The following SH3D19 variants were observed in gnomAD, a reference collection of about 807,000 sequenced individuals.
SH3D19 encodes SH3 domain containing 19.
SH3D19 carries 58 observed loss-of-function variants against 112.1 expected under a neutral mutation model. That is an observed-to-expected ratio of 0.52 (90% CI 0.42 to 0.64). SH3D19 has a LOEUF of 0.64. SH3D19 is among the 30% of genes least tolerant of loss of function. The pLI is 0.00. For synonymous variants in SH3D19, 391 were observed against 448.5 expected (o/e 0.87, Z 1.62); for missense variants, 1,090 against 1,263.4 (o/e 0.86, Z 2.08).
At chr4:151,270,551 T>C (rs180917217) in intron 1 of SH3D19, among the ~76,000 whole-genome samples, 1 of 152,346 alleles carries the variant, frequency 6.6e-6, no homozygotes, top group Non-Finnish European at 1.5e-5. Context: ...TTTACAGCAA[T>C]AGAAGAATGG....
At chr4:151,305,242 G>A (rs908627257) in intron 1 of SH3D19, among the ~76,000 whole-genome samples, 1 of 152,076 alleles carries the variant, frequency 6.6e-6, no homozygotes, top group Non-Finnish European at 1.5e-5. Flanking sequence ...AAGAAATATG[G>A]CCCATACACA....
intron 13 of SH3D19, 30 bp downstream of exon 13, chr4:151,139,745 G>A (rs776898306): frequency 1.9e-6 from 3 of 1,599,770 alleles, no homozygotes; most frequent in Non-Finnish European, 2.6e-6. Flanking sequence ...GGATCCTGTG[G>A]TTCTCCCACT....
At chr4:151,310,580 C>CTT (rs780496185) in intron 1 of SH3D19, among the ~76,000 whole-genome samples, 3 of 142,164 alleles carry the variant, frequency 2.1e-5, no homozygotes, top group Non-Finnish European at 3.1e-5. Context: ...CTCTCTCTCT[C>CTT]TTTTTTTTTT....
At chr4:151,185,387 C>A (rs897442898) in intron 3 of SH3D19, among the ~76,000 whole-genome samples, 3 of 152,154 alleles carry the variant, frequency 2.0e-5, no homozygotes, top group African/African-American at 7.2e-5. Flanking sequence ...ATCCTGTGTA[C>A]TTTCTCCCTA....
intron 3 of SH3D19, among the ~76,000 whole-genome samples, chr4:151,179,732 G>A (rs1423888312): frequency 1.3e-5 from 2 of 152,142 alleles, no homozygotes; most frequent in African/African-American, 2.4e-5. Flanking sequence ...ATGACATGAA[G>A]TAACAATGGG....
intron 1 of SH3D19, among the ~76,000 whole-genome samples, chr4:151,321,885 C>T (rs1442183485): frequency 6.6e-6 from 1 of 152,196 alleles, no homozygotes. Flanking sequence ...CCCACATCCT[C>T]TCTTCCTTGT....
intron 1 of SH3D19, chr4:151,228,149 A>T: frequency 3.3e-6 from 2 of 609,132 alleles, no homozygotes; most frequent in Non-Finnish European, 4.1e-6. Context: ...AGTAATTAAA[A>T]TTCAACAAAA....
intron 1 of SH3D19, among the ~76,000 whole-genome samples, chr4:151,314,874 C>T (rs561702152): frequency 6.6e-6 from 1 of 152,254 alleles, no homozygotes; most frequent in Admixed American, 6.5e-5. Flanking sequence ...AGCTACACAG[C>T]CTTGTTCCTG....
intron 1 of SH3D19, among the ~76,000 whole-genome samples, chr4:151,300,075 C>A (rs1189603549): frequency 6.6e-6 from 1 of 152,012 alleles, no homozygotes; most frequent in Non-Finnish European, 1.5e-5. Flanking sequence ...GTGGTGCATG[C>A]CTGTAATCCC....
At chr4:151,262,162 G>C (rs1428961107) in intron 1 of SH3D19, among the ~76,000 whole-genome samples, 2 of 152,170 alleles carry the variant, frequency 1.3e-5, no homozygotes, top group Non-Finnish European at 2.9e-5. Flanking sequence ...TCAGCCTTTA[G>C]GTTGTTTCCC....
Position 151,139,815 on chromosome 4 carries a change from ACT to A in SH3D19, c.2254_2255del (p.Ser752TrpfsTer10). 6.2e-7 allele frequency: 1 copy of A among 1,614,184 alleles called. No homozygotes were observed. Among genetic ancestry groups the A allele is most frequent in the Non-Finnish European group, 8.5e-7 (1 of 1,180,032 alleles). On this transcript the variant is annotated frameshift_variant, in exon 13 of 20. Transcript: ENST00000604030. LOFTEE classifies it high-confidence loss of function. ...GAAGAACGACAGCATGAGGAGCACC[ACT>A]GTCAACAGGCTTCTGAGCGTGGCTT... ...DPSHAQKPVDSGAPHAVVLHD... is the reference protein window; with the variant it reads ...DPSHAQKPVDXGAPHAVVLHD...
intron 1 of SH3D19, among the ~76,000 whole-genome samples, chr4:151,320,091 G>A (rs972511307): frequency 2.0e-5 from 3 of 152,100 alleles, no homozygotes; most frequent in East Asian, 3.9e-4. Context: ...CTGGTACACC[G>A]TGAACACAGT....
chr4:151,160,334 GC>G (rs1395172549), intron 8 of SH3D19, among the ~76,000 whole-genome samples: 1 of 152,072 alleles, frequency 6.6e-6, no homozygotes, highest in Middle Eastern at 3.2e-3. Context: ...TGATCCGCCC[GC>G]CTCAGCCTCC....
chr4:151,238,097 C>CAGGGG (rs1770269228), intron 1 of SH3D19, among the ~76,000 whole-genome samples: 1 of 152,158 alleles, frequency 6.6e-6, no homozygotes, highest in Non-Finnish European at 1.5e-5. Flanking sequence ...CTGTGCCAAC[C>CAGGGG]AGGGATCACC....
chr4:151,214,999 C>T lies in SH3D19; in HGVS notation c.152+11048G>A, dbSNP rs562443336. Among the ~76,000 whole-genome samples the T allele has an allele frequency of 1.7e-3, 247 of 146,450 alleles. 2 individuals carry two copies. The highest frequency in any genetic ancestry group is 6.1e-3 in the African/African-American group (242 of 39,794). ...GCTCCTCACCTCCCAGACGGGGTCG[C>T]GACCGGGCAGAGGCGCTCCTCACAT... is the stretch of plus-strand genomic sequence containing the variant. On this transcript the variant is annotated intron_variant, in intron 2 of 19. Coordinates refer to ENST00000604030, the MANE Select transcript of SH3D19 (RefSeq NM_001378122.1).
chr4:151,161,847 G>A (rs941510151), intron 8 of SH3D19, among the ~76,000 whole-genome samples: 8 of 147,760 alleles, frequency 5.4e-5, no homozygotes, highest in Non-Finnish European at 1.0e-4. Context: ...TCACTGCAAC[G>A]TCTGCCTCCT....
intron 12 of SH3D19, chr4:151,140,072 C>T (rs1254337239): frequency 4.3e-6 from 2 of 462,976 alleles, no homozygotes; most frequent in Admixed American, 3.8e-5. Flanking sequence ...TAAAATATCC[C>T]CCAGTATGTT....
chr4:151,304,768 T>G (rs1728777599), intron 1 of SH3D19, among the ~76,000 whole-genome samples: 1 of 152,126 alleles, frequency 6.6e-6, no homozygotes, highest in Non-Finnish European at 1.5e-5. Context: ...GCCAACTGTA[T>G]TACCAGGATG....
At chr4:151,292,259 A>T (rs1267017175) in intron 1 of SH3D19, among the ~76,000 whole-genome samples, 1 of 152,028 alleles carries the variant, frequency 6.6e-6, no homozygotes, top group Non-Finnish European at 1.5e-5. Flanking sequence ...TGATCACATC[A>T]CTGCACTCCA....
Sources: gnomAD v4.1 joint callset for allele counts (sites outside exome capture counted in the v4.1 genomes callset) on GRCh38, gnomAD v4.1.1 for gene constraint, MANE v1.5 for transcripts, NCBI Gene and HGNC (gene_info 2026-07-23, HGNC 2026-07-21) for gene names.